The following KCNMA1 variants were observed in gnomAD, a reference collection of about 807,000 sequenced individuals.
KCNMA1 encodes the protein Calcium-activated potassium channel subunit alpha-1.
Under a neutral mutation model 140.0 loss-of-function variants are expected in KCNMA1, and 29 were observed. That is an observed-to-expected ratio of 0.21 (90% confidence interval 0.15 to 0.28). The LOEUF is 0.28. Ranked by LOEUF, KCNMA1 falls within the 10% of genes least tolerant of loss-of-function variation. The pLI is 1.00. For missense variants in KCNMA1, 880 were observed against 1,602.2 expected, an observed-to-expected ratio of 0.55 and a Z score of 7.70; for synonymous variants, 612 against 611.9, an observed-to-expected ratio of 1.00 and a Z score of 0.00.
intron 19 of KCNMA1, among the ~76,000 whole-genome samples, chr10:76,989,404 C>T (rs888162094): frequency 6.6e-6 from 1 of 152,112 alleles, no homozygotes; most frequent in Non-Finnish European, 1.5e-5. Flanking sequence ...GGGTAATAGA[C>T]ATCAGCATTT....
chr10:76,940,975 A>G (rs1016246391), intron 23 of KCNMA1, among the ~76,000 whole-genome samples: 13 of 136,910 alleles, frequency 9.5e-5, no homozygotes, highest in East Asian at 4.2e-4. Context: ...GAAAGAAAGA[A>G]AGAAAGAGAG....
At chr10:77,266,359 G>C (rs1327459551) in intron 2 of KCNMA1, among the ~76,000 whole-genome samples, 5 of 152,126 alleles carry the variant, frequency 3.3e-5, no homozygotes, top group African/African-American at 1.2e-4. Context: ...AGACTTAGAG[G>C]GGAGAGAACA....
At chr10:77,254,056 G>A (rs182199238) in intron 2 of KCNMA1, among the ~76,000 whole-genome samples, 1 of 152,100 alleles carries the variant, frequency 6.6e-6, no homozygotes, top group Non-Finnish European at 1.5e-5. Flanking sequence ...AATCCCCATT[G>A]TCTGAGAACT....
At chr10:77,263,355 C>A (rs554923100) in intron 2 of KCNMA1, among the ~76,000 whole-genome samples, 2 of 152,078 alleles carry the variant, frequency 1.3e-5, no homozygotes, top group African/African-American at 4.8e-5. Flanking sequence ...TTTTGTCTTT[C>A]GGTAACTGTA....
chr10:77,105,369 G>C (rs140869691), intron 9 of KCNMA1, among the ~76,000 whole-genome samples: 14 of 152,120 alleles, frequency 9.2e-5, no homozygotes, highest in African/African-American at 3.4e-4. Flanking sequence ...CCTGAATTTG[G>C]GTGTTGTACA....
chr10:77,152,564 T>C (rs1240338193), intron 5 of KCNMA1, among the ~76,000 whole-genome samples: 1 of 152,080 alleles, frequency 6.6e-6, no homozygotes, highest in Non-Finnish European at 1.5e-5. Context: ...CACATGGCTT[T>C]ATGTGTAAAC....
intron 5 of KCNMA1, among the ~76,000 whole-genome samples, chr10:77,148,698 T>C (rs1355626755): frequency 1.3e-5 from 2 of 152,206 alleles, no homozygotes; most frequent in African/African-American, 2.4e-5. Flanking sequence ...ACAATCTCTA[T>C]TGCAAGTGCT....
Position 77,039,814 on chromosome 10 carries a change from A to C in KCNMA1, c.1750-177T>G, listed in dbSNP as rs558151296. 3.3e-5 allele frequency among the ~76,000 whole-genome samples: 5 copies of C among 151,610 alleles called. No homozygotes were observed. The South Asian group carries it at 1.0e-3, about 32-fold the overall frequency. ...TAAAGCCTTCAATAACCCTAAACTC[A>C]TAAAGTGTGTGCCCTCTAAAACACT... On this transcript the variant is annotated intron_variant, in intron 14 of 27. Transcript: ENST00000286628.
At chr10:76,884,771 AG>A (rs564170483), downstream of KCNMA1, 105 of 577,940 alleles carry the variant, frequency 1.8e-4, no homozygotes, top group African/African-American at 1.9e-3. Flanking sequence ...GAAGAGAAGA[AG>A]GAAGGGAAAA....
chr10:77,175,503 T>C (rs181971404), intron 5 of KCNMA1, among the ~76,000 whole-genome samples: 68 of 152,282 alleles, frequency 4.5e-4, no homozygotes, highest in African/African-American at 1.6e-3. Flanking sequence ...ACTAGGGACA[T>C]AGCGAAAAAC....
intron 1 of KCNMA1, among the ~76,000 whole-genome samples, chr10:77,487,237 T>C (rs1465232034): frequency 1.3e-5 from 2 of 152,192 alleles, no homozygotes; most frequent in African/African-American, 4.8e-5. Context: ...TGATATGAAC[T>C]TCTTTTCTGT....
chr10:77,441,855 T>C (rs2097407955), intron 1 of KCNMA1, among the ~76,000 whole-genome samples: 1 of 152,016 alleles, frequency 6.6e-6, no homozygotes, highest in South Asian at 2.1e-4. Context: ...TTCTTCTTTT[T>C]TTGGTCTTGC....
At chr10:76,997,858 C>G (rs1383344273) in intron 19 of KCNMA1, among the ~76,000 whole-genome samples, 1 of 152,156 alleles carries the variant, frequency 6.6e-6, no homozygotes, top group African/African-American at 2.4e-5. Flanking sequence ...GAAACAAAAC[C>G]AAGATGATCA....
intron 5 of KCNMA1, among the ~76,000 whole-genome samples, chr10:77,135,950 A>C (rs2098010744): frequency 6.6e-6 from 1 of 151,994 alleles, no homozygotes; most frequent in Non-Finnish European, 1.5e-5. Context: ...TGCTTTAAAA[A>C]ATTAAAAGAA....
intron 1 of KCNMA1, among the ~76,000 whole-genome samples, chr10:77,519,732 C>T (rs1021201226): frequency 2.0e-5 from 3 of 152,226 alleles, no homozygotes; most frequent in Admixed American, 1.3e-4. Flanking sequence ...ACAATTAACA[C>T]ATCCCTTCGT....
At chr10:77,451,029 T>C (rs184903181) in intron 1 of KCNMA1, among the ~76,000 whole-genome samples, 2 of 152,346 alleles carry the variant, frequency 1.3e-5, no homozygotes, top group South Asian at 2.1e-4. Context: ...CCTTCTGCCA[T>C]GATTGTGAGG....
chr10:77,121,435 G>A (rs979299288), intron 5 of KCNMA1, among the ~76,000 whole-genome samples: 1 of 152,218 alleles, frequency 6.6e-6, no homozygotes, highest in Admixed American at 6.5e-5. Context: ...CTTGTGCTAA[G>A]AGCAGATTGA....
chr10:77,326,263 G>T (rs572339754), intron 2 of KCNMA1, among the ~76,000 whole-genome samples: 1 of 152,218 alleles, frequency 6.6e-6, no homozygotes, highest in African/African-American at 2.4e-5. Flanking sequence ...GCTTAGCTCA[G>T]GTTCCCCCAC....
intron 26 of KCNMA1, among the ~76,000 whole-genome samples, chr10:76,891,066 T>A (rs1011569995): frequency 2.0e-5 from 3 of 152,204 alleles, no homozygotes; most frequent in African/African-American, 7.2e-5. Flanking sequence ...GCTATTAATG[T>A]ATAGTTGGGT....
Sources: gnomAD v4.1 joint callset for allele counts (sites outside exome capture counted in the v4.1 genomes callset) on GRCh38, gnomAD v4.1.1 for gene constraint, MANE v1.5 for transcripts, NCBI Gene and HGNC (gene_info 2026-07-23, HGNC 2026-07-21) for gene names.